The following PDE1C variants were observed in gnomAD, a reference collection of about 807,000 sequenced individuals.
The protein encoded by PDE1C is phosphodiesterase 1C, also known as dual specificity calcium/calmodulin-dependent 3',5'-cyclic nucleotide phosphodiesterase 1C.
A neutral mutation model predicts 93.1 loss-of-function variants in PDE1C; 62 were observed. The ratio of observed to expected loss-of-function variants is 0.67; its 90% CI spans 0.54 to 0.82. PDE1C has a LOEUF of 0.82. Among genes scored for constraint, PDE1C ranks in the 40% least tolerant of loss-of-function variants. The probability of loss-of-function intolerance (pLI) is 0.00; values close to 1 mark genes in which losing one functional copy is unlikely to be tolerated. For missense variants in PDE1C, 742 were observed against 884.6 expected, an observed-to-expected ratio of 0.84 and a Z score of 2.04; for synonymous variants, 325 against 310.1, an observed-to-expected ratio of 1.05 and a Z score of -0.50.
At chr7:31,826,218 C>T (rs939432944) in intron 12 of PDE1C, among the ~76,000 whole-genome samples, 7 of 152,138 alleles carry the variant, frequency 4.6e-5, no homozygotes, top group South Asian at 2.1e-4. Flanking sequence ...TGTATGAATG[C>T]ATATTTAGTT....
intron 17 of PDE1C, among the ~76,000 whole-genome samples, chr7:31,771,871 T>C (rs772955001): frequency 2.0e-5 from 3 of 151,966 alleles, no homozygotes; most frequent in Non-Finnish European, 2.9e-5. Context: ...CTGGATAACA[T>C]GGTGAAACCC....
the PDE1C span, among the ~76,000 whole-genome samples, chr7:31,703,677 G>A: frequency 3.3e-5 from 5 of 152,226 alleles, no homozygotes; most frequent in African/African-American, 1.2e-4. Flanking sequence ...CAGATGTTCA[G>A]AAGGACTCAC....
Position 31,794,089 on chromosome 7 carries a change from C to CAGATAGATAGATAGATAGATAGAT in PDE1C, c.1891+14941_1891+14942insATCTATCTATCTATCTATCTATCT, listed in dbSNP as rs71559204. ...ACAGACAGACAGACAGACAGACAGA[C>CAGATAGATAGATAGATAGATAGAT]AGATAGATAGACAGATAGATGGGCA... On this transcript the variant is annotated intron_variant, in intron 16 of 17. Transcript: ENST00000396191. Among the ~76,000 whole-genome samples the CAGATAGATAGATAGATAGATAGAT allele has an allele frequency of 1.2e-4, 17 of 136,156 alleles. 1 individual carries two copies. Among genetic ancestry groups the CAGATAGATAGATAGATAGATAGAT allele is most frequent in the East Asian group, 4.3e-4 (2 of 4,658 alleles). 89.3% of individuals were successfully genotyped at this position (136,156 alleles called of 152,430 possible). A position where few individuals can be genotyped will look rare whatever the true frequency, so the allele number is the denominator to read the frequency against.
intron 1 of PDE1C, among the ~76,000 whole-genome samples, chr7:32,421,782 G>A (rs946540763): frequency 1.3e-5 from 2 of 152,146 alleles, no homozygotes; most frequent in East Asian, 1.9e-4. Context: ...GAAAACTGTC[G>A]TGAAGATCAA....
chr7:32,320,979 G>A (rs1585107609), intron 1 of PDE1C, among the ~76,000 whole-genome samples: 1 of 152,166 alleles, frequency 6.6e-6, no homozygotes, highest in African/African-American at 2.4e-5. Flanking sequence ...CCACTACAGA[G>A]TCCTGATTCA....
the PDE1C span, chr7:31,652,099 A>G: frequency 3.9e-6 from 5 of 1,281,988 alleles, no homozygotes; most frequent in Middle Eastern, 3.7e-4. Context: ...CTACCACAGG[A>G]GAGGTGCATT....
At chr7:31,725,703 G>A in the PDE1C span, among the ~76,000 whole-genome samples, 1 of 152,210 alleles carries the variant, frequency 6.6e-6, no homozygotes, top group Non-Finnish European at 1.5e-5. Context: ...ACCACTGGGG[G>A]AAACTGGGTG....
At chr7:31,669,959 C>A in the PDE1C span, among the ~76,000 whole-genome samples, 15 of 152,276 alleles carry the variant, frequency 9.9e-5, no homozygotes, top group South Asian at 3.1e-3. Flanking sequence ...ATGTGTTCAA[C>A]CTTGGAATGT....
intron 2 of PDE1C, among the ~76,000 whole-genome samples, chr7:32,007,922 G>A (rs1414495211): frequency 6.6e-6 from 1 of 152,190 alleles, no homozygotes; most frequent in Admixed American, 6.5e-5. Context: ...CTATCATGGG[G>A]AGTAGAAGCT....
At chr7:32,325,523 G>A (rs145420012) in intron 1 of PDE1C, among the ~76,000 whole-genome samples, 3,407 of 152,256 alleles carry the variant, frequency 0.022, 89 homozygotes, top group African/African-American at 0.059. Context: ...CTTTTCCTCT[G>A]TTCTACGTTT....
chr7:32,060,728 A>G (rs1794707761), intron 1 of PDE1C, among the ~76,000 whole-genome samples: 1 of 151,932 alleles, frequency 6.6e-6, no homozygotes, highest in Admixed American at 6.6e-5. Context: ...TTTTTTTAAC[A>G]ATGACTAATT....
intron 9 of PDE1C, among the ~76,000 whole-genome samples, chr7:31,840,449 A>C (rs1019430995): frequency 1.3e-5 from 2 of 152,120 alleles, no homozygotes; most frequent in Non-Finnish European, 2.9e-5. Flanking sequence ...TCCAAAGAGC[A>C]AAAGGTTTAA....
chr7:31,790,303 TC>T, intron 16 of PDE1C: 5 of 1,553,902 alleles, frequency 3.2e-6, no homozygotes, highest in Non-Finnish European at 8.8e-7. Flanking sequence ...ATGCTGCCTT[TC>T]CCCCCGCCCA....
intron 12 of PDE1C, among the ~76,000 whole-genome samples, chr7:31,826,251 T>C (rs1446429550): frequency 6.6e-6 from 1 of 152,144 alleles, no homozygotes; most frequent in Non-Finnish European, 1.5e-5. Flanking sequence ...CAGGTAGAGG[T>C]AAAGCTGGCA....
intron 2 of PDE1C, among the ~76,000 whole-genome samples, chr7:31,902,901 A>T (rs1466540733): frequency 6.6e-6 from 1 of 151,740 alleles, no homozygotes; most frequent in Non-Finnish European, 1.5e-5. Context: ...GATAGAGTCT[A>T]CATAATAGAT....
the PDE1C span, among the ~76,000 whole-genome samples, chr7:31,713,806 A>G: frequency 1.3e-5 from 2 of 152,184 alleles, no homozygotes; most frequent in Admixed American, 6.5e-5. Context: ...CCTGAGCTGT[A>G]TCTTGGCCCT....
chr7:32,396,028 C>T (rs1157135432), intron 1 of PDE1C, among the ~76,000 whole-genome samples: 1 of 152,080 alleles, frequency 6.6e-6, no homozygotes, highest in Non-Finnish European at 1.5e-5. Flanking sequence ...ATAAAAATAT[C>T]AACAAGCTTT....
intron 1 of PDE1C, among the ~76,000 whole-genome samples, chr7:32,341,603 T>C (rs1015080301): frequency 2.6e-5 from 4 of 152,114 alleles, no homozygotes; most frequent in Non-Finnish European, 5.9e-5. Context: ...AGGAGCTAAT[T>C]TGGGAACTCG....
intron 1 of PDE1C, among the ~76,000 whole-genome samples, chr7:32,401,244 A>T (rs1784936221): frequency 6.6e-6 from 1 of 152,204 alleles, no homozygotes; most frequent in African/African-American, 2.4e-5. Flanking sequence ...AAGTTTATAA[A>T]AATAGAAATG....
Sources: gnomAD v4.1 joint callset for allele counts (sites outside exome capture counted in the v4.1 genomes callset) on GRCh38, gnomAD v4.1.1 for gene constraint, MANE v1.5 for transcripts, NCBI Gene and HGNC (gene_info 2026-07-23, HGNC 2026-07-21) for gene names.